The following ABCG5 variants were observed in gnomAD, a reference collection of about 807,000 sequenced individuals.
ABCG5 encodes ATP binding cassette subfamily G member 5, also known as ATP-binding cassette sub-family G member 5.
In ABCG5, 64 loss-of-function variants were observed where a neutral mutation model predicts 64.5. The observed-to-expected ratio is 0.99, with a 90% CI of 0.81 to 1.22. The LOEUF is 1.22. Ranked by LOEUF, ABCG5 falls within the 50% of genes most tolerant of loss-of-function variation. The pLI is 0.00. For missense variants in ABCG5, 908 were observed against 829.5 expected, an observed-to-expected ratio of 1.09 and a Z score of -1.16; for synonymous variants, 385 against 326.3, an observed-to-expected ratio of 1.18 and a Z score of -1.94.
chr2:43,822,435 G>T, intron 10 of ABCG5: 1 of 832,056 alleles, frequency 1.2e-6, no homozygotes, highest in Non-Finnish European at 1.4e-6. Flanking sequence ...GAATGTGTCT[G>T]TTTTAAGGTT....
At chr2:43,811,498 C>A (rs924370458), downstream of ABCG5, among the ~76,000 whole-genome samples, 2 of 152,144 alleles carry the variant, frequency 1.3e-5, no homozygotes, top group African/African-American at 4.8e-5. Context: ...ATATTCTCAC[C>A]CAAAGTTACC....
rs938560593 is a variant in ABCG5, at chr2:43,822,485, C to CGCCG, written c.1463+311_1463+312insCGGC. The CGCCG allele has an allele frequency of 3.2e-6, 3 of 925,838 alleles. No homozygotes were observed. In the African/African-American group the frequency reaches 5.4e-5, roughly 17 times the overall value. The allele number at this position is 925,838 out of a possible 1,614,324, so 57.4% of individuals were successfully genotyped here. The stretch of plus-strand genomic sequence containing the variant: ...CTTTCTCCCCTCCCCCAGGCCCCCC[C>CGCCG]CCATGCACCTGGGTCCTAGCTACTT... On this transcript the variant is annotated intron_variant, in intron 10 of 12. Transcript: ENST00000405322.
rs541301690 is a variant in ABCG5, at chr2:43,825,973, C to T, written c.774+409G>A. On this transcript the variant is annotated intron_variant, in intron 6 of 12. Coordinates refer to ENST00000405322, the MANE Select transcript of ABCG5 (RefSeq NM_022436.3). Reference sequence around the variant, plus strand: ...GTTGGCTCCAATTCTCTAGCACTAACGGTTTTTTGTTTGTTTGTTTGAGAT... The same window carrying T: ...GTTGGCTCCAATTCTCTAGCACTAATGGTTTTTTGTTTGTTTGTTTGAGAT... Among the ~76,000 whole-genome samples the T allele has an allele frequency of 9.9e-5, 15 of 150,886 alleles. No homozygotes were observed. The South Asian group carries it at 1.5e-3, about 15-fold the overall frequency.
chr2:43,837,687 T>G (rs962081450), intron 2 of ABCG5, 147 bp downstream of exon 2: 1 of 1,054,378 alleles, frequency 9.5e-7, no homozygotes, highest in Non-Finnish European at 1.5e-6. Context: ...GATTTCACAT[T>G]GGTAGCAGTT....
chr2:43,807,262 C>T, the ABCG5 span, among the ~76,000 whole-genome samples: 2 of 151,998 alleles, frequency 1.3e-5, no homozygotes, highest in East Asian at 3.9e-4. Flanking sequence ...TAGGGTCTTT[C>T]GTGATTAGCC....
chr2:43,822,626 T>C (rs1667304559), intron 10 of ABCG5, 171 bp downstream of exon 10: 1 of 984,500 alleles, frequency 1.0e-6, no homozygotes, highest in Non-Finnish European at 1.2e-6. Flanking sequence ...AGTTGGGCTA[T>C]TTACAATAAA....
chr2:43,807,979 G>A (rs1254500301), downstream of ABCG5, among the ~76,000 whole-genome samples: 1 of 151,972 alleles, frequency 6.6e-6, no homozygotes, highest in Admixed American at 6.6e-5. Context: ...GATAGCCCTA[G>A]TTTTCTCACA....
upstream of ABCG5, chr2:43,839,050 C>T (rs1347426209): frequency 1.9e-6 from 3 of 1,550,732 alleles, no homozygotes; most frequent in Non-Finnish European, 2.6e-6. Flanking sequence ...GACCTGTGGG[C>T]CCCATGGCCG....
intron 2 of ABCG5, among the ~76,000 whole-genome samples, chr2:43,834,279 C>G (rs543937973): frequency 1.7e-4 from 26 of 152,334 alleles, no homozygotes; most frequent in African/African-American, 5.5e-4. Context: ...TGAACTCTGG[C>G]AGAAGCTGCA....
At chr2:43,834,096 T>C (rs1668113876) in intron 2 of ABCG5, among the ~76,000 whole-genome samples, 1 of 152,152 alleles carries the variant, frequency 6.6e-6, no homozygotes, top group Admixed American at 6.5e-5. Flanking sequence ...AACTCAGAAA[T>C]AGCCCCTGCG....
chr2:43,810,225 G>A (rs146018312), downstream of ABCG5, among the ~76,000 whole-genome samples: 44 of 152,292 alleles, frequency 2.9e-4, no homozygotes, highest in Middle Eastern at 3.4e-3. Context: ...ACAGTGAGGC[G>A]CAAGAAGCAC....
chr2:43,816,151 C>T (rs1666808679), intron 11 of ABCG5, among the ~76,000 whole-genome samples: 1 of 152,150 alleles, frequency 6.6e-6, no homozygotes, highest in Admixed American at 6.5e-5. Flanking sequence ...GTGAGTGATG[C>T]AGTGTGTATA....
At chr2:43,808,682 T>C (rs560794769), downstream of ABCG5, among the ~76,000 whole-genome samples, 1 of 152,326 alleles carries the variant, frequency 6.6e-6, no homozygotes, top group Non-Finnish European at 1.5e-5. Context: ...GATAGATGTA[T>C]ATAAAATAGA....
Position 43,831,958 on chromosome 2 carries a change from A to C in ABCG5, c.391T>G (p.Tyr131Asp). ...GGGGACGCGCCCACCTGCAGGACGT[A>C]GGAGAAGCAGTCCTGGAACTGCTCC... ...RREQFQDCFSYVLQSDTLLSS... is the reference protein window; with the variant it reads ...RREQFQDCFSDVLQSDTLLSS... The change falls in exon 3 of 13, where the codon TAC becomes GAC. Residue 131 changes from tyrosine to aspartate, a missense_variant. Coordinates refer to ENST00000405322, the MANE Select transcript of ABCG5 (RefSeq NM_022436.3). 6.5e-7 allele frequency: 1 copy of C among 1,550,340 alleles called. No homozygotes were observed. Among genetic ancestry groups the C allele is most frequent in the Non-Finnish European group, 8.7e-7 (1 of 1,147,078 alleles).
At chr2:43,813,382 C>A in intron 12 of ABCG5, 73 bp from the exon 13 acceptor site, 3 of 1,106,252 alleles carry the variant, frequency 2.7e-6, no homozygotes, top group Non-Finnish European at 4.1e-6. Context: ...ATTTACCAAG[C>A]GCTTGCTAAG....
chr2:43,833,316 C>A (rs1668063534), intron 2 of ABCG5, among the ~76,000 whole-genome samples: 1 of 151,888 alleles, frequency 6.6e-6, no homozygotes. Flanking sequence ...CAAGAGAAAT[C>A]TACTGATGAG....
chr2:43,831,809 A>G lies in ABCG5; in HGVS notation c.461T>C (p.Leu154Pro), dbSNP rs528983279. The change falls in exon 4 of 13, where the codon CTG becomes CCG. Residue 154 changes from leucine to proline, a missense_variant. Coordinates refer to ENST00000405322, the MANE Select transcript of ABCG5 (RefSeq NM_022436.3). ...GCCGGGATTGCCGCGGCGGATGGCC[A>G]GCAGCGCGGTGTAGTGCAGCGTCTC... is the stretch of plus-strand genomic sequence containing the variant. ...VRETLHYTAL[L>P]AIRRGNPGSF... 3.8e-6 allele frequency: 6 copies of G among 1,590,366 alleles called. No individual in the cohort carries two copies. The highest frequency in any genetic ancestry group is 5.1e-6 in the Non-Finnish European group (6 of 1,170,666).
At chr2:43,819,680 A>G (rs1249146357) in intron 11 of ABCG5, among the ~76,000 whole-genome samples, 1 of 152,186 alleles carries the variant, frequency 6.6e-6, no homozygotes, top group Non-Finnish European at 1.5e-5. Flanking sequence ...CATGTGAATC[A>G]TATCATAACA....
chr2:43,832,352 C>G, intron 2 of ABCG5: 2 of 576,246 alleles, frequency 3.5e-6, no homozygotes, highest in South Asian at 4.4e-5. Context: ...CAAGACCGAA[C>G]GTGCTTTCTC....
Sources: gnomAD v4.1 joint callset for allele counts (sites outside exome capture counted in the v4.1 genomes callset) on GRCh38, gnomAD v4.1.1 for gene constraint, MANE v1.5 for transcripts, NCBI Gene and HGNC (gene_info 2026-07-23, HGNC 2026-07-21) for gene names.